The following PDE1A variants were observed in gnomAD, a reference collection of about 807,000 sequenced individuals.
PDE1A encodes dual specificity calcium/calmodulin-dependent 3',5'-cyclic nucleotide phosphodiesterase 1A.
PDE1A carries 35 observed loss-of-function variants against 61.7 expected under a neutral mutation model. The observed-to-expected ratio is 0.57, with a 90% CI of 0.43 to 0.75. The LOEUF is 0.75. PDE1A is among the 30% of genes least tolerant of loss of function. The pLI is 0.00. For missense variants in PDE1A, 597 were observed against 630.6 expected, an observed-to-expected ratio of 0.95 and a Z score of 0.57; for synonymous variants, 232 against 213.2, an observed-to-expected ratio of 1.09 and a Z score of -0.77.
rs150007750 is a variant in PDE1A at position 182,266,841 on chromosome 2, T to C, written c.54-2427A>G. 1.1e-4 allele frequency among the ~76,000 whole-genome samples: 17 copies of C among 152,108 alleles called. No homozygotes were observed. In the East Asian group the frequency reaches 2.9e-3, roughly 26 times the overall value. On this transcript the variant is annotated intron_variant, in intron 1 of 13. Coordinates refer to ENST00000351439, the Ensembl canonical transcript of PDE1A. ...GCAAAAGAAAGCCACACACTAAGCA[T>C]GGTAGAAAAGAAAAAATGGAAGTGG...
At chr2:182,632,289 T>C in the PDE1A span, among the ~76,000 whole-genome samples, 1 of 152,186 alleles carries the variant, frequency 6.6e-6, no homozygotes, top group Non-Finnish European at 1.5e-5. Flanking sequence ...ATGAGTGTAT[T>C]TTAACCACTT....
rs115669702 is a variant in PDE1A at position 182,338,168 on chromosome 2, C to G, written c.54-73754G>C. On this transcript the variant is annotated intron_variant, in intron 1 of 13. Coordinates refer to ENST00000351439, the Ensembl canonical transcript of PDE1A. ...CATCCTCTTACTGCCTTGAATGAGG[C>G]CACAAGAGAAGTGAGGATGCTGGAG... 4.0e-3 allele frequency among the ~76,000 whole-genome samples: 602 copies of G among 152,278 alleles called. 3 individuals carry two copies. The highest frequency in any genetic ancestry group is 0.014 in the African/African-American group (570 of 41,564).
intron 1 of PDE1A, among the ~76,000 whole-genome samples, chr2:182,397,050 G>A (rs897181311): frequency 6.6e-6 from 1 of 152,002 alleles, no homozygotes; most frequent in African/African-American, 2.4e-5. Flanking sequence ...AGATAATTGA[G>A]GTCATTTATC....
At chr2:182,557,925 T>C in the PDE1A span, among the ~76,000 whole-genome samples, 9 of 152,164 alleles carry the variant, frequency 5.9e-5, no homozygotes, top group African/African-American at 2.2e-4. Flanking sequence ...AAGTTTTCTA[T>C]TGAAATTTTA....
chr2:182,577,988 GGA>G, the PDE1A span, among the ~76,000 whole-genome samples: 187 of 147,848 alleles, frequency 1.3e-3, 5 homozygotes, highest in African/African-American at 4.5e-3. Context: ...AAGGAAGGAA[GGA>G]AGGGACGGAG....
chr2:182,457,114 C>T (rs12465662), intron 2 of PDE1A, among the ~76,000 whole-genome samples: 27,721 of 151,920 alleles, frequency 0.18, 3,053 homozygotes, highest in Middle Eastern at 0.35. Context: ...GATGCATACA[C>T]GTTTCCAGGC....
chr2:182,677,147 T>G, the PDE1A span, among the ~76,000 whole-genome samples: 92 of 152,264 alleles, frequency 6.0e-4, no homozygotes, highest in South Asian at 0.012. Context: ...ACAATATGAT[T>G]TGATATCAAG....
the PDE1A span, among the ~76,000 whole-genome samples, chr2:182,690,976 T>A: frequency 2.0e-5 from 3 of 152,140 alleles, no homozygotes; most frequent in Admixed American, 6.6e-5. Flanking sequence ...TTACAAGGGA[T>A]GTGAAGGACC....
At chr2:182,192,070 T>G (rs1685746413) in intron 10 of PDE1A, among the ~76,000 whole-genome samples, 1 of 152,062 alleles carries the variant, frequency 6.6e-6, no homozygotes, top group Non-Finnish European at 1.5e-5. Flanking sequence ...TTGGCCAAGG[T>G]GGTCTCGAAC....
At chr2:182,561,956 G>A in the PDE1A span, among the ~76,000 whole-genome samples, 123 of 152,114 alleles carry the variant, frequency 8.1e-4, no homozygotes, top group African/African-American at 2.9e-3. Flanking sequence ...GAGATTTTGG[G>A]CTGAGACAAT....
At chr2:182,223,244 A>C (rs1574066255) in intron 7 of PDE1A, among the ~76,000 whole-genome samples, 3 of 152,060 alleles carry the variant, frequency 2.0e-5, no homozygotes, top group African/African-American at 7.2e-5. Context: ...ACCAGCTGAC[A>C]CTGTGATCCT....
chr2:182,482,959 A>G (rs1687795603), intron 2 of PDE1A, among the ~76,000 whole-genome samples: 1 of 152,028 alleles, frequency 6.6e-6, no homozygotes, highest in South Asian at 2.1e-4. Flanking sequence ...GATACACTTT[A>G]GATACAGACA....
At chr2:182,173,815 C>T (rs553345065) in intron 13 of PDE1A, among the ~76,000 whole-genome samples, 1 of 152,020 alleles carries the variant, frequency 6.6e-6, no homozygotes, top group South Asian at 2.1e-4. Flanking sequence ...CTGTGCTTTA[C>T]ATGAAGGGTT....
intron 2 of PDE1A, among the ~76,000 whole-genome samples, chr2:182,519,369 T>A (rs1169449905): frequency 3.3e-5 from 5 of 152,036 alleles, no homozygotes; most frequent in Non-Finnish European, 7.4e-5. Flanking sequence ...ACTTGTAGTG[T>A]AGAATCTAAA....
chr2:182,173,112 T>C (rs1692394894), intron 13 of PDE1A, among the ~76,000 whole-genome samples: 1 of 151,990 alleles, frequency 6.6e-6, no homozygotes. Context: ...TGTACTTGGC[T>C]TGTCCTGACC....
intron 7 of PDE1A, 126 bp from the exon 8 acceptor site, chr2:182,206,191 G>T: frequency 3.5e-6 from 2 of 572,108 alleles, no homozygotes. Flanking sequence ...TGAGAATTAT[G>T]GAAGTACTTA....
chr2:182,590,598 T>C, the PDE1A span, among the ~76,000 whole-genome samples: 1 of 152,238 alleles, frequency 6.6e-6, no homozygotes, highest in Non-Finnish European at 1.5e-5. Context: ...ATCAGTTCTA[T>C]AATTTAAATA....
At chr2:182,570,149 T>C in the PDE1A span, among the ~76,000 whole-genome samples, 3 of 151,936 alleles carry the variant, frequency 2.0e-5, no homozygotes, top group African/African-American at 7.3e-5. Context: ...ACGTAAAACA[T>C]TCAAAGGGGA....
intron 2 of PDE1A, among the ~76,000 whole-genome samples, chr2:182,492,693 T>G (rs904442195): frequency 2.0e-5 from 3 of 152,222 alleles, no homozygotes; most frequent in Admixed American, 2.0e-4. Context: ...TCAACTTTTC[T>G]GTCATGAGCT....
Sources: gnomAD v4.1 joint callset for allele counts (sites outside exome capture counted in the v4.1 genomes callset) on GRCh38, gnomAD v4.1.1 for gene constraint, MANE v1.5 for transcripts, NCBI Gene and HGNC (gene_info 2026-07-23, HGNC 2026-07-21) for gene names.